CCND3: variants seen among roughly 807,000 people sequenced by gnomAD.
CCND3 encodes G1/S-specific cyclin-D3.
In CCND3, 9 loss-of-function variants were observed where a neutral mutation model predicts 28.7. That is an observed-to-expected ratio of 0.31 (90% CI 0.19 to 0.55). The LOEUF is 0.55. Ranked by LOEUF, CCND3 falls within the 20% of genes least tolerant of loss-of-function variation. The probability of loss-of-function intolerance (pLI) is 0.93; values close to 1 mark genes in which losing one functional copy is unlikely to be tolerated. For missense variants in CCND3, 315 were observed against 385.8 expected, an observed-to-expected ratio of 0.82 and a Z score of 1.54; for synonymous variants, 164 against 163.9, an observed-to-expected ratio of 1.00 and a Z score of 0.00.
chr6:42,012,446 C>CA (rs11391068), intron 1 of CCND3, among the ~76,000 whole-genome samples: 13,176 of 151,158 alleles, frequency 0.087, 1,218 homozygotes, highest in African/African-American at 0.23. Context: ...AAAATAAAAA[C>CA]AAAAAAATTA....
chr6:42,027,888 C>T (rs1339461629), intron 1 of CCND3, among the ~76,000 whole-genome samples: 1 of 152,138 alleles, frequency 6.6e-6, no homozygotes, highest in African/African-American at 2.4e-5. Context: ...GCTGGGATTA[C>T]AGGCTCCTGC....
At position 41,936,000 on chromosome 6, in the gene CCND3, G is replaced by A. The variant is rs760015142; in HGVS notation, c.819C>T (p.Ser273=). The change falls in exon 5 of 5, where the codon TCC becomes TCT. Residue 273 remains serine (S), a synonymous_variant. Transcript: ENST00000372991. ...TGGTCTGGCTGGGCCCTTGGCTGCT[G>A]GAGCCCCGGGGGGCTTTGGGCGCTG... ...SSPAPKAPRG[S]SSQGPSQTST... 66 of 1,613,426 alleles carry A rather than the reference G, an allele frequency of 4.1e-5. No homozygotes were observed. The highest frequency in any genetic ancestry group is 5.5e-5 in the Non-Finnish European group (65 of 1,179,830).
chr6:41,964,487 TGTGTGTGTGTG>T (rs1298701718), intron 1 of CCND3, among the ~76,000 whole-genome samples: 6 of 62,810 alleles, frequency 9.6e-5, no homozygotes, highest in East Asian at 6.2e-4. Context: ...TGTGTGTGAA[TGTGTGTGTGTG>T]AGTGTGTGTG....
chr6:41,936,720 T>C lies in CCND3; in HGVS notation c.575-25A>G, dbSNP rs1461714617. 1 of 1,607,662 alleles carries C rather than the reference T, an allele frequency of 6.2e-7. No individual in the cohort carries two copies. Among genetic ancestry groups the C allele is most frequent in the Admixed American group, 1.7e-5 (1 of 59,376 alleles). On this transcript the variant is annotated intron_variant, in intron 3 of 4. Coordinates refer to ENST00000372991, the MANE Select transcript of CCND3 (RefSeq NM_001760.5). The surrounding 1 kb of genome is among the most constrained non-coding windows in gnomAD (Gnocchi z 4.4). ...TCTTGGAGAGGAGGAAAGGGAACCA[T>C]GAGAGAAGGAAACCTGAAGGATAAC...
At chr6:41,962,527 G>T (rs2127404752) in intron 1 of CCND3, among the ~76,000 whole-genome samples, 1 of 152,282 alleles carries the variant, frequency 6.6e-6, no homozygotes, top group African/African-American at 2.4e-5. Flanking sequence ...CAAGACAGGA[G>T]GATCGCTTGA....
chr6:41,963,856 C>T (rs1761783140), intron 1 of CCND3, among the ~76,000 whole-genome samples: 1 of 151,974 alleles, frequency 6.6e-6, no homozygotes, highest in African/African-American at 2.4e-5. Flanking sequence ...ACCACTCTTT[C>T]CCTAGATCTC....
At chr6:42,032,078 G>A (rs370257910) in intron 1 of CCND3, among the ~76,000 whole-genome samples, 5 of 151,814 alleles carry the variant, frequency 3.3e-5, no homozygotes, top group African/African-American at 9.7e-5. Context: ...GGCGTGAGTC[G>A]CTGCACCTGG....
rs979510457 is a variant in CCND3, at chr6:41,935,805, C to A, written c.*135G>T. Reference sequence around the variant, plus strand: ...TGCACACTGCGGGGATGGGTAGGACCAGATCCCTTGGGCTTTGTGAAGGGG... The same window carrying A: ...TGCACACTGCGGGGATGGGTAGGACAAGATCCCTTGGGCTTTGTGAAGGGG... On this transcript the variant is annotated 3_prime_UTR_variant, in exon 5 of 5. Transcript: ENST00000372991. The A allele has an allele frequency of 3.5e-6, 3 of 862,096 alleles. No individual in the cohort carries two copies. The highest frequency in any genetic ancestry group is 4.2e-5 in the Admixed American group (2 of 47,854). 53.4% of individuals were successfully genotyped at this position (862,096 alleles called of 1,614,324 possible). A position where few individuals can be genotyped will look rare whatever the true frequency, so the allele number is the denominator to read the frequency against.
chr6:42,045,136 G>A (rs1444420816), intron 1 of CCND3, among the ~76,000 whole-genome samples: 1 of 151,818 alleles, frequency 6.6e-6, no homozygotes, highest in Non-Finnish European at 1.5e-5. Flanking sequence ...AACTTCCAAG[G>A]AATCCCTTCC....
intron 1 of CCND3, among the ~76,000 whole-genome samples, chr6:42,046,266 T>C (rs1366526515): frequency 6.6e-6 from 1 of 152,216 alleles, no homozygotes; most frequent in Non-Finnish European, 1.5e-5. Context: ...TCCCGTGCTC[T>C]CGCTTGCATC....
At chr6:41,998,431 C>T (rs553380329) in intron 1 of CCND3, among the ~76,000 whole-genome samples, 12 of 150,264 alleles carry the variant, frequency 8.0e-5, no homozygotes, top group Non-Finnish European at 1.6e-4. Context: ...TCACCGCAAC[C>T]TCCACCTCCC....
chr6:41,968,218 C>T (rs1168915770), intron 1 of CCND3, among the ~76,000 whole-genome samples: 2 of 152,132 alleles, frequency 1.3e-5, no homozygotes, highest in Admixed American at 6.6e-5. Flanking sequence ...TAAAATCTCA[C>T]AGCTCATATA....
chr6:42,012,528 G>A (rs1394944069), intron 1 of CCND3, among the ~76,000 whole-genome samples: 2 of 152,196 alleles, frequency 1.3e-5, no homozygotes, highest in African/African-American at 4.8e-5. Context: ...TTGAACCTGG[G>A]AGGTGGAGGT....
Position 41,941,103 on chromosome 6 carries a change from C to G in CCND3, c.198+349G>C. The G allele has an allele frequency of 6.6e-7, 1 of 1,524,974 alleles. No individual in the cohort carries two copies. The highest frequency in any genetic ancestry group is 8.8e-7 in the Non-Finnish European group (1 of 1,140,330). 94.5% of individuals were successfully genotyped at this position (1,524,974 alleles called of 1,614,324 possible). A position where few individuals can be genotyped will look rare whatever the true frequency, so the allele number is the denominator to read the frequency against. On this transcript the variant is annotated intron_variant, in intron 1 of 4. Coordinates refer to ENST00000372991, the MANE Select transcript of CCND3 (RefSeq NM_001760.5). This position sits in a 1 kb window ranked among gnomAD's most constrained non-coding sequence, Gnocchi z 6.1. ...GCTCCCGGGCGGGGGCGGCCGAGCC[C>G]AGGGTTTTCCAGGCGCGCTCTCCGG...
chr6:41,940,662 G>C, intron 1 of CCND3, 77 bp from the exon 2 acceptor site: 2 of 1,061,420 alleles, frequency 1.9e-6, no homozygotes, highest in South Asian at 2.5e-5. Flanking sequence ...GCGCTGAAGT[G>C]AGGTGGGATA....
intron 1 of CCND3, among the ~76,000 whole-genome samples, chr6:41,962,987 G>A (rs7745862): frequency 0.19 from 28,413 of 152,122 alleles, 3,200 homozygotes; most frequent in Non-Finnish European, 0.25. Context: ...TCTTGCCCTC[G>A]TGATCTGCCC....
At chr6:42,046,640 G>A (rs1014595003) in intron 1 of CCND3, among the ~76,000 whole-genome samples, 3 of 152,116 alleles carry the variant, frequency 2.0e-5, no homozygotes, top group East Asian at 3.9e-4. Flanking sequence ...TTGTGTGCAC[G>A]CACACACGCG....
chr6:41,970,026 G>A (rs1484183229), intron 1 of CCND3, among the ~76,000 whole-genome samples: 1 of 151,978 alleles, frequency 6.6e-6, no homozygotes, highest in East Asian at 1.9e-4. Flanking sequence ...CAACATAGCA[G>A]GACCTCGTAT....
chr6:42,004,514 C>T (rs570843858), intron 1 of CCND3, among the ~76,000 whole-genome samples: 4 of 152,124 alleles, frequency 2.6e-5, no homozygotes, highest in South Asian at 4.2e-4. Context: ...GGGTGGATTA[C>T]GAGGTCAGGA....
Sources: allele counts gnomAD v4.1 joint callset (sites outside exome capture counted in the v4.1 genomes callset), GRCh38; gene constraint gnomAD v4.1.1; non-coding constraint Gnocchi (gnomAD v3.1); transcripts MANE v1.5; gene names NCBI Gene and HGNC (gene_info 2026-07-23, HGNC 2026-07-21).